Variants in MARCHF7 observed in about 807,000 individuals in gnomAD.
MARCHF7 encodes membrane associated ring-CH-type finger 7.
In MARCHF7, 20 loss-of-function variants were observed where a neutral mutation model predicts 76.5. The observed-to-expected ratio is 0.26, with a 90% CI of 0.18 to 0.38. The LOEUF is 0.38. Among genes scored for constraint, MARCHF7 ranks in the 10% least tolerant of loss-of-function variants. MARCHF7 has a pLI of 1.00. For missense variants in MARCHF7, 797 were observed against 812.9 expected, an observed-to-expected ratio of 0.98 and a Z score of 0.24; for synonymous variants, 295 against 293.0, an observed-to-expected ratio of 1.01 and a Z score of -0.07.
intron 9 of MARCHF7, 25 bp downstream of exon 9, chr2:159,759,360 T>G (rs750791609): frequency 5.5e-6 from 7 of 1,276,504 alleles, no homozygotes; most frequent in Non-Finnish European, 8.0e-6. Flanking sequence ...CCTAATTTGG[T>G]AAGTGTCTAT....
chr2:159,743,993 T>TTTTTTTTC (rs1704503159), intron 5 of MARCHF7, among the ~76,000 whole-genome samples: 1 of 45,660 alleles, frequency 2.2e-5, no homozygotes, highest in Non-Finnish European at 4.2e-5. Flanking sequence ...TTTTTTTTTT[T>TTTTTTTTC]TTTTTTTTTT....
At chr2:159,758,190 TAAAC>T (rs755404984) in intron 8 of MARCHF7, among the ~76,000 whole-genome samples, 14 of 152,242 alleles carry the variant, frequency 9.2e-5, no homozygotes, top group South Asian at 8.3e-4. Flanking sequence ...TCTCTAAATA[TAAAC>T]AAACAAAGGA....
chr2:159,761,520 T>A (rs146058096), intron 9 of MARCHF7, among the ~76,000 whole-genome samples: 66 of 141,112 alleles, frequency 4.7e-4, no homozygotes, highest in African/African-American at 1.5e-3. Context: ...GTTCAAGCGA[T>A]TCTCCTGCCT....
chr2:159,770,488 T>TAGTC lies in MARCHF7; in HGVS notation c.*3148_*3151dup, dbSNP rs1430556242. On this transcript the variant is annotated 3_prime_UTR_variant, in exon 12 of 12. Transcript: ENST00000409175. ...ACACAAGCTGGAACTTTGTTGCCAT[T>TAGTC]AGTCAAGCTAGTGAGATAGTATATC... 6.6e-6 allele frequency: 1 copy of TAGTC among 152,198 alleles called. No individual in the cohort carries two copies. The highest frequency in any genetic ancestry group is 2.4e-5 in the African/African-American group (1 of 41,458). 9.4% of individuals were successfully genotyped at this position (152,198 alleles called of 1,614,324 possible). A position where few individuals can be genotyped will look rare whatever the true frequency, so the allele number is the denominator to read the frequency against.
intron 3 of MARCHF7, among the ~76,000 whole-genome samples, chr2:159,718,674 T>C (rs1282546292): frequency 6.6e-6 from 1 of 152,162 alleles, no homozygotes; most frequent in Non-Finnish European, 1.5e-5. Context: ...GGTAGGCAGC[T>C]TGTGGTTGTG....
intron 10 of MARCHF7, 70 bp from the exon 11 acceptor site, chr2:159,764,556 T>TA (rs1444505859): frequency 8.0e-7 from 1 of 1,253,012 alleles, no homozygotes; most frequent in Non-Finnish European, 1.1e-6. Context: ...ATGAATCTCC[T>TA]ATACTGATTC....
chr2:159,756,687 CAAAAAAAAA>C (rs869261420), intron 8 of MARCHF7, among the ~76,000 whole-genome samples: 17 of 64,238 alleles, frequency 2.6e-4, no homozygotes, highest in South Asian at 2.5e-3. Context: ...CACTCAGTCT[CAAAAAAAAA>C]AAAAAAAAAA....
chr2:159,735,012 G>A (rs1261456392), intron 4 of MARCHF7, among the ~76,000 whole-genome samples: 1 of 152,024 alleles, frequency 6.6e-6, no homozygotes. Context: ...TTCCTCCAAG[G>A]AAACACAGCT....
chr2:159,733,986 G>C, intron 4 of MARCHF7: 1 of 1,318,170 alleles, frequency 7.6e-7, no homozygotes. Context: ...CGCTTCACCT[G>C]CTACTAATCT....
chr2:159,723,652 A>T (rs1701868112), intron 3 of MARCHF7, among the ~76,000 whole-genome samples: 1 of 152,074 alleles, frequency 6.6e-6, no homozygotes, highest in Admixed American at 6.5e-5. Flanking sequence ...TCCACTGCCC[A>T]CTTCCATCTC....
At chr2:159,720,894 A>G (rs952106222) in intron 3 of MARCHF7, among the ~76,000 whole-genome samples, 7 of 152,048 alleles carry the variant, frequency 4.6e-5, no homozygotes, top group Middle Eastern at 6.8e-3. Context: ...GTCTTGCTCT[A>G]TTGCTCAGGC....
intron 4 of MARCHF7, among the ~76,000 whole-genome samples, chr2:159,730,575 T>G (rs376723174): frequency 6.6e-6 from 1 of 152,226 alleles, no homozygotes; most frequent in East Asian, 1.9e-4. Flanking sequence ...CAGCGGAACC[T>G]AGTCTCATTT....
At chr2:159,730,618 T>G (rs7562060) in intron 4 of MARCHF7, among the ~76,000 whole-genome samples, 52,348 of 152,028 alleles carry the variant, frequency 0.34, 9,218 homozygotes, top group South Asian at 0.44. Flanking sequence ...ATTTTCTGCT[T>G]CTAGACAAGT....
At chr2:159,753,818 T>C (rs1705965131) in intron 8 of MARCHF7, among the ~76,000 whole-genome samples, 1 of 152,102 alleles carries the variant, frequency 6.6e-6, no homozygotes, top group African/African-American at 2.4e-5. Context: ...GATGATAGAA[T>C]GGATAGATAG....
chr2:159,765,683 AGG>A (rs1462164054), intron 11 of MARCHF7, among the ~76,000 whole-genome samples: 5 of 152,188 alleles, frequency 3.3e-5, no homozygotes, highest in Admixed American at 6.5e-5. Context: ...TAGTCCTCAT[AGG>A]AACTTTTTAA....
chr2:159,759,546 C>A (rs1706754604), intron 9 of MARCHF7, among the ~76,000 whole-genome samples: 1 of 150,796 alleles, frequency 6.6e-6, no homozygotes, highest in East Asian at 1.9e-4. Flanking sequence ...GAAAGTTGTT[C>A]CAAAATAGGG....
At chr2:159,746,433 C>T (rs1327140013) in intron 6 of MARCHF7, among the ~76,000 whole-genome samples, 1 of 152,190 alleles carries the variant, frequency 6.6e-6, no homozygotes, top group Non-Finnish European at 1.5e-5. Flanking sequence ...TGGAGTTTTG[C>T]TCTTGTTACC....
In MARCHF7 at chr2:159,762,921, G is replaced by C. The variant is rs1707290316; in HGVS notation, c.1935G>C (p.Val645=). The C allele has an allele frequency of 6.2e-7, 1 of 1,613,184 alleles. No homozygotes were observed. The highest frequency in any genetic ancestry group is 1.3e-5 in the African/African-American group (1 of 75,000). Residue 645 remains valine (V), a synonymous_variant, in exon 10 of 12, where the codon GTG becomes GTC. Coordinates refer to ENST00000409175, the MANE Select transcript of MARCHF7 (RefSeq NM_001282805.2). The part of the protein sequence containing the change: ...EFISSGLYLV[V]LLHLCEQSFS... ...TCAGCTCTGGTCTCTACCTAGTGGT[G>C]TTATTGCACTTGTGCGAACAAAGCT...
intron 9 of MARCHF7, among the ~76,000 whole-genome samples, chr2:159,759,605 T>C (rs1477494936): frequency 6.6e-6 from 1 of 152,090 alleles, no homozygotes; most frequent in Non-Finnish European, 1.5e-5. Flanking sequence ...GATGCATAAA[T>C]GATACAGTTT....
Sources: gnomAD v4.1 joint callset for allele counts (sites outside exome capture counted in the v4.1 genomes callset) on GRCh38, gnomAD v4.1.1 for gene constraint, MANE v1.5 for transcripts, NCBI Gene and HGNC (gene_info 2026-07-23, HGNC 2026-07-21) for gene names.